The following CAMKMT variants were observed in gnomAD, a reference collection of about 807,000 sequenced individuals.
The protein encoded by CAMKMT is CaM KMT.
CAMKMT carries 53 observed loss-of-function variants against 48.0 expected under a neutral mutation model. That is an observed-to-expected ratio of 1.10 (90% confidence interval 0.89 to 1.39). The LOEUF (loss-of-function observed/expected upper bound fraction) is 1.39. Among genes scored for constraint, CAMKMT ranks in the 40% most tolerant of loss-of-function variants. The pLI, the probability that CAMKMT is intolerant of heterozygous loss-of-function variation, is 0.00. For missense variants in CAMKMT, 428 were observed against 402.7 expected (o/e 1.06, Z -0.54); for synonymous variants, 165 against 152.3 (o/e 1.08, Z -0.61).
rs557829192 is a variant in CAMKMT at position 44,447,742 on chromosome 2, G to A, written c.376+57437G>A. 3.9e-5 allele frequency among the ~76,000 whole-genome samples: 6 copies of A among 152,284 alleles called. No individual in the cohort carries two copies. In the East Asian group the frequency reaches 1.2e-3, roughly 29 times the overall value. On this transcript the variant is annotated intron_variant, in intron 3 of 10. Transcript: ENST00000378494. The stretch of plus-strand genomic sequence containing the variant: ...CATGGTGAAGCCTGTTGTCAGTAGG[G>A]CATAAAAGTATAATCCTTCTGTAGG...
intron 3 of CAMKMT, among the ~76,000 whole-genome samples, chr2:44,451,236 C>G (rs74836427): frequency 0.018 from 2,726 of 151,962 alleles, 87 homozygotes; most frequent in African/African-American, 0.063. Context: ...GGGTGGTATT[C>G]TTTTGTTGTA....
intron 4 of CAMKMT, 47 bp downstream of exon 4, chr2:44,704,390 A>G (rs1336669188): frequency 7.9e-7 from 1 of 1,258,294 alleles, no homozygotes; most frequent in Non-Finnish European, 1.1e-6. Flanking sequence ...ACGGATATTG[A>G]ATCAACATAT....
At chr2:44,570,902 G>C (rs1488132431) in intron 3 of CAMKMT, among the ~76,000 whole-genome samples, 2 of 152,144 alleles carry the variant, frequency 1.3e-5, no homozygotes, top group Non-Finnish European at 2.9e-5. Context: ...AGCTTCAAAA[G>C]ACAGTCGACT....
chr2:44,733,777 T>C (rs1465651732), intron 7 of CAMKMT, among the ~76,000 whole-genome samples: 1 of 152,164 alleles, frequency 6.6e-6, no homozygotes, highest in Non-Finnish European at 1.5e-5. Context: ...CTTCTTATAT[T>C]CTTAAGATAA....
Position 44,438,263 on chromosome 2 carries a change from C to G in CAMKMT, c.376+47958C>G, listed in dbSNP as rs1405757335. 2.0e-5 allele frequency among the ~76,000 whole-genome samples: 3 copies of G among 152,166 alleles called. No individual in the cohort carries two copies. In the East Asian group the frequency reaches 5.8e-4, roughly 29 times the overall value. On this transcript the variant is annotated intron_variant, in intron 3 of 10. Transcript: ENST00000378494. Reference sequence around the variant, plus strand: ...ACTATAATACTAGACTTGCATCTTCCTACTATTAAATTCAATATGAGTGAA... The same window carrying G: ...ACTATAATACTAGACTTGCATCTTCGTACTATTAAATTCAATATGAGTGAA...
chr2:44,667,813 A>G (rs1379832391), intron 3 of CAMKMT, among the ~76,000 whole-genome samples: 1 of 151,158 alleles, frequency 6.6e-6, no homozygotes, highest in African/African-American at 2.4e-5. Context: ...TTCATTTTGG[A>G]CCTCCACTCC....
intron 3 of CAMKMT, among the ~76,000 whole-genome samples, chr2:44,574,051 G>C (rs1669070031): frequency 6.6e-6 from 1 of 152,010 alleles, no homozygotes; most frequent in Non-Finnish European, 1.5e-5. Flanking sequence ...TCTACATATT[G>C]GATTTTTAGA....
chr2:44,477,999 T>C (rs1668775540), intron 3 of CAMKMT, among the ~76,000 whole-genome samples: 1 of 152,208 alleles, frequency 6.6e-6, no homozygotes. Context: ...TGACAATTTG[T>C]TTCAGTGGCC....
At chr2:44,363,087 C>T (rs760675278) in intron 1 of CAMKMT, among the ~76,000 whole-genome samples, 2 of 152,118 alleles carry the variant, frequency 1.3e-5, no homozygotes, top group African/African-American at 2.4e-5. Context: ...TTTGCAGTTG[C>T]CTTGAGTCAC....
intron 3 of CAMKMT, among the ~76,000 whole-genome samples, chr2:44,616,890 A>G (rs1400861878): frequency 6.6e-6 from 1 of 152,218 alleles, no homozygotes; most frequent in African/African-American, 2.4e-5. Flanking sequence ...CAGAAAACCA[A>G]AAGCACAAAA....
intron 3 of CAMKMT, among the ~76,000 whole-genome samples, chr2:44,491,709 TG>T (rs1443354493): frequency 6.6e-6 from 1 of 152,184 alleles, no homozygotes; most frequent in Non-Finnish European, 1.5e-5. Context: ...ATTTTCTTTA[TG>T]GCTATGAGGG....
intron 3 of CAMKMT, among the ~76,000 whole-genome samples, chr2:44,528,535 C>G (rs1358315441): frequency 6.6e-6 from 1 of 152,074 alleles, no homozygotes; most frequent in African/African-American, 2.4e-5. Flanking sequence ...TTATCACAAC[C>G]ATTATACTGT....
chr2:44,456,446 C>G lies in CAMKMT; in HGVS notation c.376+66141C>G, dbSNP rs545830701. The G allele has an allele frequency of 4.8e-5, 62 of 1,279,766 alleles. No homozygotes were observed. In the African/African-American group the frequency reaches 8.9e-4, roughly 18 times the overall value. 79.3% of individuals were successfully genotyped at this position (1,279,766 alleles called of 1,614,324 possible). On this transcript the variant is annotated intron_variant, in intron 3 of 10. Transcript: ENST00000378494. ...CTTTTAGCCCTCTTACCCTCTATTT[C>G]TCAGAATTATTATATAAATATGTAC...
chr2:44,635,975 C>T (rs1212588713), intron 3 of CAMKMT, among the ~76,000 whole-genome samples: 4 of 152,152 alleles, frequency 2.6e-5, no homozygotes, highest in South Asian at 2.1e-4. Context: ...CAGTGGGCTA[C>T]GTGTCAGTTT....
At chr2:44,743,548 A>T in intron 7 of CAMKMT, 74 bp from the exon 8 acceptor site, 1 of 1,042,650 alleles carries the variant, frequency 9.6e-7, no homozygotes, top group Non-Finnish European at 1.4e-6. Flanking sequence ...CCACAAAAAA[A>T]TAATGTTAAT....
intron 3 of CAMKMT, among the ~76,000 whole-genome samples, chr2:44,424,970 T>G (rs981963765): frequency 7.9e-5 from 12 of 152,210 alleles, no homozygotes; most frequent in Non-Finnish European, 1.6e-4. Context: ...GTAAAGTTTT[T>G]GGGATATACA....
intron 3 of CAMKMT, among the ~76,000 whole-genome samples, chr2:44,392,236 G>T (rs1370482948): frequency 8.5e-5 from 13 of 152,058 alleles, no homozygotes; most frequent in Admixed American, 8.5e-4. Flanking sequence ...CATTATAAAT[G>T]TTGCCTTAAA....
chr2:44,684,153 G>C (rs897034991), intron 3 of CAMKMT, among the ~76,000 whole-genome samples: 1 of 152,176 alleles, frequency 6.6e-6, no homozygotes, highest in Non-Finnish European at 1.5e-5. Flanking sequence ...TTTACTGCTG[G>C]AGAGAGAAGG....
intron 5 of CAMKMT, among the ~76,000 whole-genome samples, chr2:44,706,839 T>C (rs779830749): frequency 1.3e-5 from 2 of 152,082 alleles, no homozygotes; most frequent in Non-Finnish European, 2.9e-5. Flanking sequence ...TCAGGAGATA[T>C]TATGTAGCAG....
Sources: gnomAD v4.1 joint callset for allele counts (sites outside exome capture counted in the v4.1 genomes callset) on GRCh38, gnomAD v4.1.1 for gene constraint, MANE v1.5 for transcripts, NCBI Gene and HGNC (gene_info 2026-07-23, HGNC 2026-07-21) for gene names.